KCNB2: variants seen among roughly 807,000 people sequenced by gnomAD.
KCNB2 encodes the protein delayed rectifier potassium channel protein.
KCNB2 carries 15 observed loss-of-function variants against 61.5 expected under a neutral mutation model. The ratio of observed to expected loss-of-function variants is 0.24; its 90% confidence interval spans 0.16 to 0.38. The LOEUF (loss-of-function observed/expected upper bound fraction) is 0.38. KCNB2 is among the 10% of genes least tolerant of loss of function. KCNB2 has a pLI of 1.00. For synonymous variants in KCNB2, 457 were observed against 446.0 expected (o/e 1.02, Z -0.31); for missense variants, 828 against 1,125.2 (o/e 0.74, Z 3.78).
rs1365387291 is a variant in KCNB2 at position 72,937,864 on chromosome 8, A to G, written c.2509A>G (p.Lys837Glu). 3 of 1,614,136 alleles carry G rather than the reference A, an allele frequency of 1.9e-6. No homozygotes were observed. Among genetic ancestry groups the G allele is most frequent in the Non-Finnish European group, 2.5e-6 (3 of 1,180,002 alleles). The change falls in exon 3 of 3, where the codon AAG becomes GAG. Residue 837 changes from lysine (K) to glutamate (E), a missense_variant. This residue lies in a region of KCNB2 where 559 missense variants were observed against 588.4 expected (regional missense o/e 0.95). Coordinates refer to ENST00000523207, the MANE Select transcript of KCNB2 (RefSeq NM_004770.3). The stretch of plus-strand genomic sequence containing the variant: ...CTCCAGCCCAAATTGCTTTGCAGAT[A>G]AGCCTAGTGATGGGAGAGACCCTTT... The part of the protein sequence containing the change: ...VDSSPNCFAD[K>E]PSDGRDPLRE...
At chr8:72,639,057 G>A (rs908950500) in intron 2 of KCNB2, among the ~76,000 whole-genome samples, 7 of 152,232 alleles carry the variant, frequency 4.6e-5, no homozygotes, top group African/African-American at 1.7e-4. Flanking sequence ...TCTACCTCCA[G>A]TGATGGCATG....
chr8:72,831,768 A>G (rs1809701649), intron 2 of KCNB2, among the ~76,000 whole-genome samples: 1 of 152,266 alleles, frequency 6.6e-6, no homozygotes, highest in Admixed American at 6.5e-5. Context: ...ATTGGAGTGA[A>G]TAACTGTTCA....
In KCNB2 at chr8:72,752,664, G is replaced by A. The variant is rs565587034; in HGVS notation, c.580-183271G>A. Among the ~76,000 whole-genome samples the A allele has an allele frequency of 9.9e-5, 15 of 152,252 alleles. No individual in the cohort carries two copies. The East Asian group carries it at 1.7e-3, about 18-fold the overall frequency. On this transcript the variant is annotated intron_variant, in intron 2 of 2. Coordinates refer to ENST00000523207, the MANE Select transcript of KCNB2 (RefSeq NM_004770.3). ...TAGTCCAACTTGTAGATGGCACGTC[G>A]TGGGATTTCTCAGCCTCCATAATCA...
intron 2 of KCNB2, among the ~76,000 whole-genome samples, chr8:72,651,011 T>C (rs1806202999): frequency 6.6e-6 from 1 of 152,174 alleles, no homozygotes; most frequent in African/African-American, 2.4e-5. Context: ...TTGACATTCA[T>C]TTTCCAAACC....
At chr8:72,588,765 G>A in intron 2 of KCNB2, among the ~76,000 whole-genome samples, 1 of 151,766 alleles carries the variant, frequency 6.6e-6, no homozygotes, top group Non-Finnish European at 1.5e-5. Context: ...TTAAAAATTA[G>A]CCAGGCTGTA....
chr8:72,932,747 T>A (rs1472441140), intron 2 of KCNB2, among the ~76,000 whole-genome samples: 1 of 152,200 alleles, frequency 6.6e-6, no homozygotes, highest in Non-Finnish European at 1.5e-5. Context: ...GCTTGCCACA[T>A]AAGTGCCATA....
intron 2 of KCNB2, among the ~76,000 whole-genome samples, chr8:72,628,424 TGTGTGTGTGTGTGTGTGTGTGA>T (rs1161295601): frequency 1.3e-5 from 2 of 149,096 alleles, no homozygotes; most frequent in Non-Finnish European, 3.0e-5. Flanking sequence ...TGTGTGTGTG[TGTGTGTGTGTGTGTGTGTGTGA>T]GATGCACTTA....
At chr8:72,643,694 A>G (rs1301525991) in intron 2 of KCNB2, among the ~76,000 whole-genome samples, 1 of 152,146 alleles carries the variant, frequency 6.6e-6, no homozygotes, top group Non-Finnish European at 1.5e-5. Context: ...TCATGAATTC[A>G]TAATGGAAAG....
At chr8:72,646,343 AT>A (rs1554581498) in intron 2 of KCNB2, among the ~76,000 whole-genome samples, 1 of 152,066 alleles carries the variant, frequency 6.6e-6, no homozygotes, top group African/African-American at 2.4e-5. Flanking sequence ...TAAGAGACAT[AT>A]TTTTTTCTAA....
intron 2 of KCNB2, among the ~76,000 whole-genome samples, chr8:72,884,735 C>T (rs1214166116): frequency 4.6e-5 from 7 of 151,998 alleles, no homozygotes; most frequent in East Asian, 1.9e-4. Context: ...TGTATGTTTG[C>T]GACTGGTTTT....
At position 72,744,273 on chromosome 8, in the gene KCNB2, C is replaced by T. The variant is rs144604749; in HGVS notation, c.579+175960C>T. On this transcript the variant is annotated intron_variant, in intron 2 of 2. Transcript: ENST00000523207. The stretch of plus-strand genomic sequence containing the variant: ...TTCATATGTGTATGTGACTCAGTTT[C>T]CACAGTTTCTTAAGAGAAGAAATGA... Among the ~76,000 whole-genome samples the T allele has an allele frequency of 5.0e-3, 761 of 152,218 alleles. 8 individuals carry two copies. Among genetic ancestry groups the T allele is most frequent in the Middle Eastern group, 0.031 (9 of 290 alleles).
chr8:72,919,090 C>CAGT (rs1806452899), intron 2 of KCNB2, among the ~76,000 whole-genome samples: 1 of 152,202 alleles, frequency 6.6e-6, no homozygotes, highest in Non-Finnish European at 1.5e-5. Flanking sequence ...TCAGTATTAT[C>CAGT]ATCTCCAAAG....
intron 2 of KCNB2, among the ~76,000 whole-genome samples, chr8:72,637,825 A>G (rs1805990727): frequency 6.6e-6 from 1 of 152,172 alleles, no homozygotes; most frequent in Admixed American, 6.5e-5. Context: ...TATGTGACAC[A>G]GAGTAGGTGC....
rs1554535735 is a variant in KCNB2, at chr8:72,821,659, A to AAAAAAAAAC, written c.580-114275_580-114274insAAAAAAACA. On this transcript the variant is annotated intron_variant, in intron 2 of 2. Coordinates refer to ENST00000523207, the MANE Select transcript of KCNB2 (RefSeq NM_004770.3). ...AAAAAAACAAAAAAAAAAAAAAAAA[A>AAAAAAAAAC]ACACACACACACCAAGCCCCCACAG... Among the ~76,000 whole-genome samples, 21 of 117,070 alleles carry AAAAAAAAAC rather than the reference A, an allele frequency of 1.8e-4. 1 individual carries two copies. The highest frequency in any genetic ancestry group is 3.7e-4 in the East Asian group (1 of 2,688). The allele number at this position is 117,070 out of a possible 152,430, so 76.8% of individuals were successfully genotyped here.
intron 2 of KCNB2, among the ~76,000 whole-genome samples, chr8:72,807,827 C>G (rs576334498): frequency 6.6e-6 from 1 of 152,112 alleles, no homozygotes; most frequent in Non-Finnish European, 1.5e-5. Context: ...TAGATAAAAA[C>G]GAGCACATGT....
chr8:72,575,894 A>G (rs1329851245), intron 2 of KCNB2, among the ~76,000 whole-genome samples: 1 of 152,242 alleles, frequency 6.6e-6, no homozygotes, highest in Non-Finnish European at 1.5e-5. Context: ...TTTGAAATTC[A>G]TAAACAAAAT....
intron 2 of KCNB2, among the ~76,000 whole-genome samples, chr8:72,654,627 CTTTG>C (rs1252137931): frequency 6.6e-6 from 1 of 152,072 alleles, no homozygotes; most frequent in Non-Finnish European, 1.5e-5. Flanking sequence ...AATTTAGATT[CTTTG>C]TATCATTTAC....
At chr8:72,707,895 C>A (rs1377785203) in intron 2 of KCNB2, among the ~76,000 whole-genome samples, 1 of 151,958 alleles carries the variant, frequency 6.6e-6, no homozygotes, top group African/African-American at 2.4e-5. Context: ...AAAAAAGGGA[C>A]CTTTTACAAA....
chr8:72,785,823 G>C (rs1311958312), intron 2 of KCNB2, among the ~76,000 whole-genome samples: 1 of 152,090 alleles, frequency 6.6e-6, no homozygotes. Flanking sequence ...TAACTACTGA[G>C]TGCCTGCTGT....
Sources: gnomAD v4.1 joint callset for allele counts (sites outside exome capture counted in the v4.1 genomes callset) on GRCh38, gnomAD v4.1.1 for gene constraint, gnomAD v4.1.1 regional missense constraint, MANE v1.5 for transcripts, NCBI Gene and HGNC (gene_info 2026-07-23, HGNC 2026-07-21) for gene names.